Variants in GEMIN8 observed in about 807,000 individuals in gnomAD.
GEMIN8 encodes the protein gem nuclear organelle associated protein 8.
For missense variants in GEMIN8, 185 were observed against 205.9 expected, an observed-to-expected ratio of 0.90 and a Z score of 0.62; for synonymous variants, 80 against 78.5, an observed-to-expected ratio of 1.02 and a Z score of -0.10.
At chrX:13,985,941 C>T in the GEMIN8 span, among the ~76,000 whole-genome samples, 7 of 110,802 alleles carry the variant, frequency 6.3e-5, no homozygotes, top group Non-Finnish European at 1.1e-4. Flanking sequence ...GTTTCTTTTT[C>T]GAAACTTGAT....
chrX:14,022,926 A>G (rs1031075780), intron 2 of GEMIN8, among the ~76,000 whole-genome samples: 4 of 112,573 alleles, frequency 3.6e-5, no homozygotes, highest in Admixed American at 9.4e-5. Context: ...AACCACTTCT[A>G]TATTTTAAGA....
chrX:13,997,463 G>T, the GEMIN8 span, among the ~76,000 whole-genome samples: 1 of 111,952 alleles, frequency 8.9e-6, no homozygotes, highest in Non-Finnish European at 1.9e-5. Context: ...GAGCCCAGGG[G>T]AGACTGGCAG....
downstream of GEMIN8, among the ~76,000 whole-genome samples, chrX:14,005,616 C>T (rs1200502595): frequency 1.8e-5 from 2 of 111,927 alleles, no homozygotes; most frequent in Non-Finnish European, 3.8e-5. Context: ...ATTAATTGAA[C>T]CCAAAGAGGA....
Position 14,021,520 on chromosome X carries a change from G to C in GEMIN8, c.-33-9C>G. 8.7e-7 allele frequency: 1 copy of C among 1,146,180 alleles called. No individual in the cohort carries two copies. Among genetic ancestry groups the C allele is most frequent in the Non-Finnish European group, 1.2e-6 (1 of 837,895 alleles). 94.5% of individuals were successfully genotyped at this position (1,146,180 alleles called of 1,213,427 possible). On this transcript the variant is annotated splice_polypyrimidine_tract_variant and intron_variant, in intron 2 of 4. Transcript: ENST00000680255. The stretch of plus-strand genomic sequence containing the variant: ...CCAAATGGGTGCTGAAACTAGGAAA[G>C]AAGAATCACAGTGCAAACGTCTGAT...
intron 2 of GEMIN8, among the ~76,000 whole-genome samples, chrX:14,022,016 C>G (rs764997578): frequency 1.0e-5 from 1 of 95,385 alleles, no homozygotes; most frequent in African/African-American, 4.0e-5. Context: ...TGTATGTATA[C>G]ACATGTATAT....
At chrX:14,024,299 G>A (rs1924550712) in intron 2 of GEMIN8, among the ~76,000 whole-genome samples, 2 of 111,651 alleles carry the variant, frequency 1.8e-5, no homozygotes, top group Admixed American at 9.4e-5. Context: ...AGGAGTTCAA[G>A]ACCAGCCTGG....
chrX:14,026,788 T>C (rs1433889390), intron 1 of GEMIN8, among the ~76,000 whole-genome samples: 2 of 112,724 alleles, frequency 1.8e-5, no homozygotes, highest in African/African-American at 6.5e-5. Context: ...AATGTATACT[T>C]GAACTAGATT....
intron 4 of GEMIN8, among the ~76,000 whole-genome samples, chrX:14,019,170 C>T (rs755200689): frequency 1.8e-5 from 2 of 111,595 alleles, no homozygotes; most frequent in African/African-American, 3.3e-5. Flanking sequence ...GCTTCTGTGT[C>T]ATTGGAAAAT....
intron 4 of GEMIN8, among the ~76,000 whole-genome samples, chrX:14,017,353 G>A (rs1924004298): frequency 8.9e-6 from 1 of 111,840 alleles, no homozygotes; most frequent in African/African-American, 3.3e-5. Flanking sequence ...TCCCTTTTAT[G>A]ATGGTTTGCT....
intron 1 of GEMIN8, chrX:14,029,453 G>A (rs1176147071): frequency 1.8e-5 from 2 of 111,817 alleles, no homozygotes; most frequent in African/African-American, 3.3e-5. Context: ...AACTACCGAT[G>A]CCAGGGCCCC....
intron 1 of GEMIN8, among the ~76,000 whole-genome samples, chrX:14,029,082 G>C (rs1924845329): frequency 1.8e-5 from 2 of 111,835 alleles, no homozygotes; most frequent in South Asian, 7.4e-4. Context: ...AGAACCATCT[G>C]ATCTGTACTA....
intron 3 of GEMIN8, 102 bp from the exon 4 acceptor site, chrX:14,020,636 T>G: frequency 3.6e-6 from 2 of 556,807 alleles, no homozygotes; most frequent in Non-Finnish European, 5.7e-6. Context: ...ATTTACTTAG[T>G]ATTTGCTAAA....
chrX:14,029,729 A>T (rs1231882602), intron 1 of GEMIN8, 48 bp downstream of exon 1: 1 of 112,911 alleles, frequency 8.9e-6, no homozygotes, highest in Non-Finnish European at 1.9e-5. Context: ...GGGGCGTCTA[A>T]GCTCCTCCCT....
At chrX:13,984,249 T>C in the GEMIN8 span, among the ~76,000 whole-genome samples, 1 of 112,269 alleles carries the variant, frequency 8.9e-6, no homozygotes, top group Admixed American at 9.4e-5. Context: ...AGAACCCAGT[T>C]ATATAGTGCT....
At chrX:13,985,371 A>G in the GEMIN8 span, among the ~76,000 whole-genome samples, 2 of 112,155 alleles carry the variant, frequency 1.8e-5, no homozygotes, top group South Asian at 7.5e-4. Flanking sequence ...TAATCATCTT[A>G]TTAGTAACAA....
At chrX:13,992,292 G>A in the GEMIN8 span, among the ~76,000 whole-genome samples, 2 of 112,125 alleles carry the variant, frequency 1.8e-5, no homozygotes, top group African/African-American at 6.5e-5. Flanking sequence ...AAATGCTGTG[G>A]GAGAAATAAA....
Position 14,009,175 on chromosome X carries a change from A to G in GEMIN8, c.473-6T>C. 1 of 1,208,984 alleles carries G rather than the reference A, an allele frequency of 8.3e-7. No individual in the cohort carries two copies. The highest frequency in any genetic ancestry group is 1.1e-6 in the Non-Finnish European group (1 of 893,324). The stretch of plus-strand genomic sequence containing the variant: ...ATCCAGCTGCTGCTGCCGCCCTGAG[A>G]ACAAACACGAACGTGAACATGAACA... On this transcript the variant is annotated splice_region_variant and splice_polypyrimidine_tract_variant and intron_variant, in intron 4 of 4. Coordinates refer to ENST00000680255, the MANE Select transcript of GEMIN8 (RefSeq NM_001042479.2).
At chrX:13,995,256 C>A in the GEMIN8 span, among the ~76,000 whole-genome samples, 50 of 112,192 alleles carry the variant, frequency 4.5e-4, no homozygotes, top group Non-Finnish European at 8.8e-4. Context: ...TGGGTTCAAT[C>A]TTCACCCCTC....
At chrX:13,998,433 G>A in the GEMIN8 span, among the ~76,000 whole-genome samples, 1 of 110,414 alleles carries the variant, frequency 9.1e-6, no homozygotes, top group African/African-American at 3.3e-5. Context: ...TGGTTTAAAA[G>A]TATCACTTCA....
Sources: allele counts gnomAD v4.1 joint callset (sites outside exome capture counted in the v4.1 genomes callset), GRCh38; gene constraint gnomAD v4.1.1; transcripts MANE v1.5; gene names NCBI Gene and HGNC (gene_info 2026-07-23, HGNC 2026-07-21).